CACNA2D3: variants seen among roughly 807,000 people sequenced by gnomAD.
CACNA2D3 encodes calcium voltage-gated channel auxiliary subunit alpha2delta 3.
A neutral mutation model predicts 160.6 loss-of-function variants in CACNA2D3; 60 were observed. That is an observed-to-expected ratio of 0.37 (90% CI 0.30 to 0.46). CACNA2D3 has a LOEUF of 0.46. Ranked by LOEUF, CACNA2D3 falls within the 20% of genes least tolerant of loss-of-function variation. The pLI, the probability that CACNA2D3 is intolerant of heterozygous loss-of-function variation, is 1.00. For synonymous variants in CACNA2D3, 558 were observed against 492.9 expected, an observed-to-expected ratio of 1.13 and a Z score of -1.75; for missense variants, 1,205 against 1,365.0, an observed-to-expected ratio of 0.88 and a Z score of 1.85.
chr3:54,962,568 G>A (rs1022250252), intron 27 of CACNA2D3, among the ~76,000 whole-genome samples: 1 of 152,208 alleles, frequency 6.6e-6, no homozygotes, highest in Non-Finnish European at 1.5e-5. Context: ...CAAAAATTCT[G>A]TTCAGAAGCC....
At chr3:54,637,846 T>C (rs1316716923) in intron 10 of CACNA2D3, 1 of 151,932 alleles carries the variant, frequency 6.6e-6, no homozygotes, top group Non-Finnish European at 1.5e-5. Flanking sequence ...AACAGTCCGA[T>C]TTTCAGTGGG....
At chr3:55,033,095 G>C (rs114200929) in intron 35 of CACNA2D3, among the ~76,000 whole-genome samples, 2 of 152,050 alleles carry the variant, frequency 1.3e-5, no homozygotes, top group Admixed American at 6.6e-5. Flanking sequence ...TTTTCCTTAG[G>C]AAAAGAGAAG....
intron 11 of CACNA2D3, among the ~76,000 whole-genome samples, chr3:54,727,882 A>G (rs940486382): frequency 6.6e-6 from 1 of 152,184 alleles, no homozygotes; most frequent in Non-Finnish European, 1.5e-5. Context: ...TGTTCTGCAC[A>G]TGTACCCCAG....
At chr3:54,153,930 C>T (rs982153612) in intron 2 of CACNA2D3, among the ~76,000 whole-genome samples, 1 of 152,150 alleles carries the variant, frequency 6.6e-6, no homozygotes, top group African/African-American at 2.4e-5. Flanking sequence ...CCCTTCAGAG[C>T]GTCCATTTTG....
At chr3:54,512,460 C>G (rs1171855816) in intron 5 of CACNA2D3, among the ~76,000 whole-genome samples, 2 of 152,218 alleles carry the variant, frequency 1.3e-5, no homozygotes, top group Non-Finnish European at 2.9e-5. Context: ...GACACCGGGT[C>G]CCCCACAGTG....
At chr3:54,465,221 A>T (rs2106856965) in intron 4 of CACNA2D3, among the ~76,000 whole-genome samples, 1 of 151,450 alleles carries the variant, frequency 6.6e-6, no homozygotes, top group East Asian at 1.9e-4. Flanking sequence ...ATCATTGTTG[A>T]ATGTTTCCTT....
At chr3:54,352,109 A>G (rs971056024) in intron 3 of CACNA2D3, among the ~76,000 whole-genome samples, 5 of 152,170 alleles carry the variant, frequency 3.3e-5, no homozygotes, top group Admixed American at 1.3e-4. Context: ...TCTTATTCTT[A>G]TAATCCACTT....
intron 4 of CACNA2D3, among the ~76,000 whole-genome samples, chr3:54,416,707 T>C (rs1251216473): frequency 6.6e-6 from 1 of 152,214 alleles, no homozygotes; most frequent in Non-Finnish European, 1.5e-5. Context: ...TTGTTACTTA[T>C]AATAAATTCA....
At position 54,314,567 on chromosome 3, in the gene CACNA2D3, T is replaced by C. The variant is rs1703820565; in HGVS notation, c.205-5875T>C. 2.0e-5 allele frequency among the ~76,000 whole-genome samples: 3 copies of C among 152,274 alleles called. No homozygotes were observed. In the South Asian group the frequency reaches 6.2e-4, roughly 32 times the overall value. ...TTTTTACCACATCCACACCAACATATATTATTTTTTGATTTTTTTGATTAT... is the reference window on the plus strand; with the variant it reads ...TTTTTACCACATCCACACCAACATACATTATTTTTTGATTTTTTTGATTAT... On this transcript the variant is annotated intron_variant, in intron 2 of 37. Transcript: ENST00000474759.
At chr3:54,224,278 C>T (rs1701628034) in intron 2 of CACNA2D3, among the ~76,000 whole-genome samples, 1 of 149,582 alleles carries the variant, frequency 6.7e-6, no homozygotes, top group Non-Finnish European at 1.5e-5. Context: ...TTCCATTTAA[C>T]TTTTTTTTTT....
At chr3:54,168,690 G>C (rs551882678) in intron 2 of CACNA2D3, among the ~76,000 whole-genome samples, 1 of 152,170 alleles carries the variant, frequency 6.6e-6, no homozygotes, top group Non-Finnish European at 1.5e-5. Context: ...GGGCAGGCTT[G>C]TTGACTCTCT....
chr3:54,901,018 G>A (rs1320042201), intron 27 of CACNA2D3: 1 of 152,220 alleles, frequency 6.6e-6, no homozygotes, highest in Non-Finnish European at 1.5e-5. Flanking sequence ...AATCAGCCAG[G>A]AGATATGGGC....
chr3:54,331,898 A>C (rs1030921108), intron 3 of CACNA2D3, among the ~76,000 whole-genome samples: 1 of 152,204 alleles, frequency 6.6e-6, no homozygotes, highest in Non-Finnish European at 1.5e-5. Flanking sequence ...CCATTCATAG[A>C]ATCGGCAAAT....
chr3:54,839,549 C>G (rs903329570), intron 16 of CACNA2D3, among the ~76,000 whole-genome samples: 3 of 152,198 alleles, frequency 2.0e-5, no homozygotes, highest in African/African-American at 7.2e-5. Context: ...TCCCCCAGCA[C>G]CAAGCTGACT....
intron 4 of CACNA2D3, among the ~76,000 whole-genome samples, chr3:54,416,001 T>C (rs1307556173): frequency 6.6e-6 from 1 of 152,184 alleles, no homozygotes; most frequent in Non-Finnish European, 1.5e-5. Context: ...GACCCAGAAA[T>C]GCGTGAAACC....
intron 21 of CACNA2D3, 90 bp from the exon 22 acceptor site, chr3:54,885,191 A>G: frequency 7.2e-7 from 1 of 1,391,930 alleles, no homozygotes; most frequent in Non-Finnish European, 1.0e-6. Flanking sequence ...CCCTTAACCC[A>G]CCCCGCAGCC....
At chr3:54,998,950 T>G (rs1286429047) in intron 31 of CACNA2D3, among the ~76,000 whole-genome samples, 2 of 151,986 alleles carry the variant, frequency 1.3e-5, no homozygotes, top group Non-Finnish European at 2.9e-5. Flanking sequence ...GTTTCACTAT[T>G]TTAGCCAGGA....
intron 5 of CACNA2D3, among the ~76,000 whole-genome samples, chr3:54,517,148 A>G (rs1330503471): frequency 1.3e-5 from 2 of 152,154 alleles, no homozygotes; most frequent in Admixed American, 6.5e-5. Flanking sequence ...CAAGAAGGTT[A>G]GTTATTTCTT....
At chr3:55,044,347 G>C (rs548687814) in intron 35 of CACNA2D3, among the ~76,000 whole-genome samples, 1 of 152,086 alleles carries the variant, frequency 6.6e-6, no homozygotes, top group East Asian at 1.9e-4. Context: ...CCTATTTCTT[G>C]TACCTTTAGT....
Sources: gnomAD v4.1 joint callset for allele counts (sites outside exome capture counted in the v4.1 genomes callset) on GRCh38, gnomAD v4.1.1 for gene constraint, MANE v1.5 for transcripts, NCBI Gene and HGNC (gene_info 2026-07-23, HGNC 2026-07-21) for gene names.